Variants in AFF1 observed in about 807,000 individuals in gnomAD.
The protein encoded by AFF1 is AF4/FMR2 family member 1.
AFF1 carries 48 observed loss-of-function variants against 121.7 expected under a neutral mutation model. That is an observed-to-expected ratio of 0.39 (90% CI 0.31 to 0.50). The LOEUF (loss-of-function observed/expected upper bound fraction) is 0.50, where lower values mean the gene tolerates loss of function less well. Among genes scored for constraint, AFF1 ranks in the 20% least tolerant of loss-of-function variants. The pLI is 0.76. For synonymous variants in AFF1, 613 were observed against 563.0 expected (o/e 1.09, Z -1.26); for missense variants, 1,523 against 1,511.7 (o/e 1.01, Z -0.12).
chr4:87,036,155 T>G (rs1246280050), intron 2 of AFF1, among the ~76,000 whole-genome samples: 1 of 152,158 alleles, frequency 6.6e-6, no homozygotes, highest in Non-Finnish European at 1.5e-5. Flanking sequence ...AGGGGAGACA[T>G]AAATAACTAG....
intron 4 of AFF1, among the ~76,000 whole-genome samples, chr4:87,060,807 C>T (rs1560585828): frequency 7.9e-6 from 1 of 127,046 alleles, no homozygotes; most frequent in East Asian, 2.5e-4. Context: ...CCACTGCACT[C>T]CAGCCTGGCG....
At position 87,064,158 on chromosome 4, in the gene AFF1, C is replaced by T. The variant is rs72667773; in HGVS notation, c.1059+16564C>T. On this transcript the variant is annotated intron_variant, in intron 4 of 20. Coordinates refer to ENST00000395146, the MANE Select transcript of AFF1 (RefSeq NM_001166693.3). ...AGTGTGTAAAGGGCTTTTTGAGCCC[C>T]GTCACATTTGAGCATTGTGACAAAT... Among the ~76,000 whole-genome samples the T allele has an allele frequency of 9.5e-3, 1,443 of 152,250 alleles. 6 individuals are homozygous for T. The highest frequency in any genetic ancestry group is 0.016 in the Non-Finnish European group (1,064 of 68,034).
At chr4:86,974,939 G>T in intron 2 of AFF1, among the ~76,000 whole-genome samples, 1 of 152,032 alleles carries the variant, frequency 6.6e-6, no homozygotes, top group Non-Finnish European at 1.5e-5. Context: ...GCTAACTGTT[G>T]CCTCTTCCAT....
At chr4:86,994,175 T>C (rs952178586) in intron 2 of AFF1, among the ~76,000 whole-genome samples, 2 of 152,210 alleles carry the variant, frequency 1.3e-5, no homozygotes, top group African/African-American at 4.8e-5. Flanking sequence ...CCCTACTAAA[T>C]AAACTATATT....
rs191287034 is a variant in AFF1 at position 87,122,135 on chromosome 4, G to A, written c.2467-2902G>A. On this transcript the variant is annotated intron_variant, in intron 12 of 20. Coordinates refer to ENST00000395146, the MANE Select transcript of AFF1 (RefSeq NM_001166693.3). Reference sequence around the variant, plus strand: ...AGTACCTAATGTTCAATTTAGTATCGATCTGGATATTTTAGCAAATTTTGA... The same window carrying A: ...AGTACCTAATGTTCAATTTAGTATCAATCTGGATATTTTAGCAAATTTTGA... Among the ~76,000 whole-genome samples, 18 of 152,206 alleles carry A rather than the reference G, an allele frequency of 1.2e-4. No individual in the cohort carries two copies. The East Asian group carries it at 2.3e-3, about 20-fold the overall frequency.
At chr4:87,099,689 G>A (rs903468057) in intron 8 of AFF1, among the ~76,000 whole-genome samples, 1 of 152,220 alleles carries the variant, frequency 6.6e-6, no homozygotes, top group East Asian at 1.9e-4. Flanking sequence ...GATTACAGGC[G>A]TGAGCCACTG....
chr4:86,998,095 T>A, intron 2 of AFF1, among the ~76,000 whole-genome samples: 2 of 47,072 alleles, frequency 4.2e-5, no homozygotes, highest in African/African-American at 8.8e-5. Flanking sequence ...CGAAACTCCG[T>A]CTCAAAAAAA....
intron 4 of AFF1, among the ~76,000 whole-genome samples, chr4:87,061,771 G>A (rs1033010958): frequency 1.3e-5 from 2 of 152,020 alleles, no homozygotes; most frequent in African/African-American, 4.8e-5. Context: ...CTCACTTTGA[G>A]CAGACCCAAG....
In AFF1 at chr4:86,941,614, T is replaced by A. The variant is rs193270703; in HGVS notation, c.-37+6374T>A. Reference sequence around the variant, plus strand: ...TTGCAGTGAGCCAAGATTGTGCCATTGCACTCCAGCGTGGGCAATAGAGCA... The same window carrying A: ...TTGCAGTGAGCCAAGATTGTGCCATAGCACTCCAGCGTGGGCAATAGAGCA... On this transcript the variant is annotated intron_variant, in intron 1 of 20. Transcript: ENST00000395146. Among the ~76,000 whole-genome samples, 165 of 152,200 alleles carry A rather than the reference T, an allele frequency of 1.1e-3. 2 individuals are homozygous for A. The highest frequency in any genetic ancestry group is 3.9e-3 in the African/African-American group (161 of 41,526).
At chr4:87,010,762 C>T (rs1238695953) in intron 2 of AFF1, among the ~76,000 whole-genome samples, 1 of 152,162 alleles carries the variant, frequency 6.6e-6, no homozygotes, top group Non-Finnish European at 1.5e-5. Context: ...ATATACATAC[C>T]TTCAAATACT....
intron 2 of AFF1, among the ~76,000 whole-genome samples, chr4:87,044,286 AGTT>A (rs1245135814): frequency 3.3e-5 from 5 of 152,230 alleles, no homozygotes; most frequent in African/African-American, 1.2e-4. Flanking sequence ...TTTTTTAAAT[AGTT>A]GTAAGTTTGT....
chr4:86,974,213 T>G (rs1172149955), intron 2 of AFF1: 2 of 152,262 alleles, frequency 1.3e-5, no homozygotes, highest in African/African-American at 4.8e-5. Flanking sequence ...AGTGGTGTGA[T>G]CTTGGCTCAC....
In AFF1 at chr4:87,046,728, C is replaced by T. The variant is rs1730731014; in HGVS notation, c.193C>T (p.Gln65Ter). 1 of 1,613,966 alleles carries T rather than the reference C, an allele frequency of 6.2e-7. No individual in the cohort carries two copies. The highest frequency in any genetic ancestry group is 8.5e-7 in the Non-Finnish European group (1 of 1,179,914). Residue 65 changes from glutamine to a stop codon, truncating the protein, a stop_gained, in exon 4 of 21, where the codon CAG becomes TAG. Transcript: ENST00000395146. LOFTEE classifies it high-confidence loss of function. The part of the protein sequence containing the change: ...AKGDELSSRI[Q>*]NMLGNYEEVK... Reference sequence around the variant, plus strand: ...AGGTGATGAGCTGTCTAGTCGAATACAGAACATGTTGGGAAACTACGAAGA... The same window carrying T: ...AGGTGATGAGCTGTCTAGTCGAATATAGAACATGTTGGGAAACTACGAAGA...
chr4:87,063,053 AAT>A (rs1308048946), intron 4 of AFF1, among the ~76,000 whole-genome samples: 1 of 152,172 alleles, frequency 6.6e-6, no homozygotes, highest in Non-Finnish European at 1.5e-5. Flanking sequence ...TTTTCTGTAA[AAT>A]AGCAATGGTA....
intron 2 of AFF1, among the ~76,000 whole-genome samples, chr4:87,022,534 G>A (rs931283286): frequency 3.9e-5 from 4 of 102,692 alleles, no homozygotes; most frequent in East Asian, 2.6e-4. Context: ...TTTTCTTCCC[G>A]TGCTTACAGA....
At chr4:87,066,636 G>A (rs564996960) in intron 4 of AFF1, among the ~76,000 whole-genome samples, 1 of 152,046 alleles carries the variant, frequency 6.6e-6, no homozygotes, top group Non-Finnish European at 1.5e-5. Context: ...AAGGAGAAGG[G>A]TAGTACTGAC....
chr4:87,086,118 A>G (rs1723710614), intron 5 of AFF1, among the ~76,000 whole-genome samples: 2 of 152,166 alleles, frequency 1.3e-5, no homozygotes, highest in Non-Finnish European at 2.9e-5. Flanking sequence ...CCTCGATTAC[A>G]TTTTTTATCA....
chr4:87,032,929 G>T (rs1729210373), intron 2 of AFF1, among the ~76,000 whole-genome samples: 1 of 152,122 alleles, frequency 6.6e-6, no homozygotes, highest in African/African-American at 2.4e-5. Context: ...CAAGAGGATT[G>T]CTTGAGGCCA....
In AFF1 at chr4:86,951,615, C is replaced by CTTTTTTTT. The variant is rs748093135; in HGVS notation, c.38+3051_38+3052insTTTTTTTT. 9.1e-3 allele frequency among the ~76,000 whole-genome samples: 1,137 copies of CTTTTTTTT among 124,854 alleles called. 16 individuals carry two copies. Among genetic ancestry groups the CTTTTTTTT allele is most frequent in the Non-Finnish European group, 0.013 (811 of 62,216 alleles). 81.9% of individuals were successfully genotyped at this position (124,854 alleles called of 152,430 possible). ...GAACTTTTTTTTCTTTTTCTTTTTT[C>CTTTTTTTT]TTTTTTTCTTTTTTTTTTTTTTTTT... On this transcript the variant is annotated intron_variant, in intron 2 of 20. Transcript: ENST00000395146.
Sources: gnomAD v4.1 joint callset for allele counts (sites outside exome capture counted in the v4.1 genomes callset) on GRCh38, gnomAD v4.1.1 for gene constraint, MANE v1.5 for transcripts, NCBI Gene and HGNC (gene_info 2026-07-23, HGNC 2026-07-21) for gene names.